Variants in PPP4C observed in about 807,000 individuals in gnomAD.
PPP4C encodes the protein serine/threonine-protein phosphatase 4 catalytic subunit.
In PPP4C, 10 loss-of-function variants were observed where a neutral mutation model predicts 40.5. The ratio of observed to expected loss-of-function variants is 0.25; its 90% CI spans 0.15 to 0.42. PPP4C has a LOEUF of 0.42. Among genes scored for constraint, PPP4C ranks in the 10% least tolerant of loss-of-function variants. The pLI is 1.00. For missense variants in PPP4C, 191 were observed against 416.4 expected, an observed-to-expected ratio of 0.46 and a Z score of 4.71; for synonymous variants, 187 against 163.6, an observed-to-expected ratio of 1.14 and a Z score of -1.09.
intron 3 of PPP4C, 176 bp downstream of exon 3, chr16:30,081,486 T>A: frequency 1.8e-6 from 1 of 540,920 alleles, no homozygotes; most frequent in South Asian, 2.4e-5. Flanking sequence ...GGCTCACACC[T>A]GTGATCCCAG....
At position 30,083,217 on chromosome 16, in the gene PPP4C, C is replaced by T; in HGVS notation, c.304-177C>T. On this transcript the variant is annotated intron_variant, in intron 5 of 8. Coordinates refer to ENST00000279387, the MANE Select transcript of PPP4C (RefSeq NM_002720.3). The surrounding 1 kb of genome is among the most constrained non-coding windows in gnomAD (Gnocchi z 6.3). ...AGGGAATGGGTCAGCTTTACATTCT[C>T]TGGAGGGGTCGTGTGGGCCTGGGAG... 1 of 713,798 alleles carries T rather than the reference C, an allele frequency of 1.4e-6. No homozygotes were observed. Among genetic ancestry groups the T allele is most frequent in the Non-Finnish European group, 2.4e-6 (1 of 419,822 alleles). 44.2% of individuals were successfully genotyped at this position (713,798 alleles called of 1,614,324 possible). A position where few individuals can be genotyped will look rare whatever the true frequency, so the allele number is the denominator to read the frequency against.
Position 30,083,432 on chromosome 16 carries a change from C to T in PPP4C, c.342C>T (p.Asn114=), listed in dbSNP as rs1161331673. 6.2e-7 allele frequency: 1 copy of T among 1,614,044 alleles called. No homozygotes were observed. Among genetic ancestry groups the T allele is most frequent in the Admixed American group, 1.7e-5 (1 of 60,014 alleles). ...ATCGCATCACACTGATCCGGGGCAA[C>T]CATGAGAGTCGCCAGATCACGCAGG... ...YPDRITLIRG[N]HESRQITQVY... is the part of the protein sequence containing the mutation. The change falls in exon 6 of 9, where the codon AAC becomes AAT. Residue 114 remains asparagine, a synonymous_variant. Coordinates refer to ENST00000279387, the MANE Select transcript of PPP4C (RefSeq NM_002720.3). The surrounding 1 kb of genome is among the most constrained non-coding windows in gnomAD (Gnocchi z 6.3).
chr16:30,083,904 G>C lies in PPP4C; in HGVS notation c.604+123G>C. ...CCAAATGGCTGGAACCCTGGAGGAG[G>C]AGCAGGGAGGCCTGCATGGCAGGTG... is the stretch of plus-strand genomic sequence containing the variant. On this transcript the variant is annotated intron_variant, in intron 7 of 8. Transcript: ENST00000279387. This position sits in a 1 kb window ranked among gnomAD's most constrained non-coding sequence, Gnocchi z 6.3. 1 of 1,439,100 alleles carries C rather than the reference G, an allele frequency of 6.9e-7. No homozygotes were observed. The highest frequency in any genetic ancestry group is 2.3e-5 in the East Asian group (1 of 43,026). The allele number at this position is 1,439,100 out of a possible 1,614,324, so 89.1% of individuals were successfully genotyped here. A position where few individuals can be genotyped will look rare whatever the true frequency, so the allele number is the denominator to read the frequency against.
intron 7 of PPP4C, 50 bp from the exon 8 acceptor site, chr16:30,084,616 G>A: frequency 6.4e-7 from 1 of 1,570,810 alleles, no homozygotes; most frequent in Non-Finnish European, 8.7e-7. Context: ...AGCGCTGGCA[G>A]CCAGAGAAGC....
intron 1 of PPP4C, 32 bp from the exon 2 acceptor site, chr16:30,076,283 C>T: frequency 7.7e-7 from 1 of 1,300,168 alleles, no homozygotes; most frequent in Admixed American, 2.0e-5. Flanking sequence ...CGGACGGACA[C>T]TGATCCGCGG....
chr16:30,076,364 G>C lies in PPP4C; in HGVS notation c.-14G>C. 9 of 1,611,914 alleles carry C rather than the reference G, an allele frequency of 5.6e-6. No individual in the cohort carries two copies. The highest frequency in any genetic ancestry group is 7.6e-6 in the Non-Finnish European group (9 of 1,179,288). On this transcript the variant is annotated 5_prime_UTR_variant, in exon 2 of 9. Coordinates refer to ENST00000279387, the MANE Select transcript of PPP4C (RefSeq NM_002720.3). Reference sequence around the variant, plus strand: ...GGCGGCGGCCCCGACTCTGACCCGCGCCGGGGGTGGGCCATGGCGGAGATC... The same window carrying C: ...GGCGGCGGCCCCGACTCTGACCCGCCCCGGGGGTGGGCCATGGCGGAGATC...
chr16:30,076,423 C>A lies in PPP4C; in HGVS notation c.46C>A (p.Arg16Ser). 1 of 1,613,408 alleles carries A rather than the reference C, an allele frequency of 6.2e-7. No individual in the cohort carries two copies. The highest frequency in any genetic ancestry group is 8.5e-7 in the Non-Finnish European group (1 of 1,179,860). The change falls in exon 2 of 9, where the codon CGC becomes AGC. Residue 16 changes from arginine (R) to serine (S), a missense_variant. Coordinates refer to ENST00000279387, the MANE Select transcript of PPP4C (RefSeq NM_002720.3). ...GGACCGGCAGATCGAGCAGCTGCGT[C>A]GCTGCGAGCTCATCAAGGAGAGCGA... ...DLDRQIEQLR[R>S]CELIKESEVK... is the part of the protein sequence containing the mutation.
At chr16:30,079,304 C>G (rs2151025182) in intron 2 of PPP4C, among the ~76,000 whole-genome samples, 1 of 151,982 alleles carries the variant, frequency 6.6e-6, no homozygotes, top group African/African-American at 2.4e-5. Context: ...ATTCTCCTAC[C>G]TCAGCCTCCC....
At chr16:30,079,708 G>A (rs555694103) in intron 2 of PPP4C, among the ~76,000 whole-genome samples, 2 of 152,296 alleles carry the variant, frequency 1.3e-5, no homozygotes, top group East Asian at 3.9e-4. Context: ...GCCATACAGA[G>A]CAAGGGGCAT....
At chr16:30,076,634 C>T (rs878975290) in intron 2 of PPP4C, among the ~76,000 whole-genome samples, 159 bp downstream of exon 2, 1 of 152,198 alleles carries the variant, frequency 6.6e-6, no homozygotes. Context: ...CTAGCCTGCT[C>T]GGGGAAGACA....
chr16:30,084,195 G>A (rs778923210), intron 7 of PPP4C, among the ~76,000 whole-genome samples: 8 of 151,844 alleles, frequency 5.3e-5, no homozygotes, highest in Non-Finnish European at 7.4e-5. Context: ...CTGCTCCAGC[G>A]CAGACACACA....
chr16:30,076,615 G>A (rs528590892), intron 2 of PPP4C, 140 bp downstream of exon 2: 1 of 798,122 alleles, frequency 1.3e-6, no homozygotes, highest in Non-Finnish European at 2.0e-6. Context: ...CGCTGCCCTC[G>A]AGGAAAAGCT....
chr16:30,083,886 G>T lies in PPP4C; in HGVS notation c.604+105G>T. On this transcript the variant is annotated intron_variant, in intron 7 of 8. Coordinates refer to ENST00000279387, the MANE Select transcript of PPP4C (RefSeq NM_002720.3). This position sits in a 1 kb window ranked among gnomAD's most constrained non-coding sequence, Gnocchi z 6.3. ...TCACTCGTCCTCCACCTGCCAAATG[G>T]CTGGAACCCTGGAGGAGGAGCAGGG... 2.6e-6 allele frequency: 4 copies of T among 1,522,516 alleles called. No individual in the cohort carries two copies. In the South Asian group the frequency reaches 4.7e-5, roughly 18 times the overall value. The allele number at this position is 1,522,516 out of a possible 1,614,324, so 94.3% of individuals were successfully genotyped here.
chr16:30,084,982 G>T lies in PPP4C; in HGVS notation c.844G>T (p.Asp282Tyr). The change falls in exon 9 of 9, where the codon GAT (aspartate) becomes TAT (tyrosine). Residue 282 changes from aspartate to tyrosine, a missense_variant. Asp to Tyr is a radical substitution (Grantham distance 160). This residue lies in a region of PPP4C where 20 missense variants were observed against 41.0 expected (regional missense o/e 0.49). Transcript: ENST00000279387. ...GGAGCTGGACGAGCATCTCCAGAAA[G>T]ATTTCATCATCTTTGAGGCTGCTCC... is the stretch of plus-strand genomic sequence containing the variant. ...ILELDEHLQK[D>Y]FIIFEAAPQE... is the part of the protein sequence containing the mutation. The T allele has an allele frequency of 1.2e-6, 2 of 1,614,228 alleles. No individual in the cohort carries two copies. Among genetic ancestry groups the T allele is most frequent in the Non-Finnish European group, 1.7e-6 (2 of 1,180,024 alleles).
intron 2 of PPP4C, among the ~76,000 whole-genome samples, chr16:30,079,567 TG>T (rs2072465905): frequency 6.6e-6 from 1 of 152,104 alleles, no homozygotes; most frequent in Non-Finnish European, 1.5e-5. Flanking sequence ...GAGCAGTTGA[TG>T]GGGAAGGATG....
chr16:30,076,088 A>G lies in PPP4C; in HGVS notation c.-70A>G. The G allele has an allele frequency of 2.3e-6, 1 of 440,182 alleles. No individual in the cohort carries two copies. The highest frequency in any genetic ancestry group is 3.3e-5 in the South Asian group (1 of 29,872). 27.3% of individuals were successfully genotyped at this position (440,182 alleles called of 1,614,324 possible). On this transcript the variant is annotated 5_prime_UTR_variant, in exon 1 of 9. Coordinates refer to ENST00000279387, the MANE Select transcript of PPP4C (RefSeq NM_002720.3). ...GCCGGAGAGCCGGAACCGGAGTCGC[A>G]GCGGCGGTAATAGTGCGAGACTCCT...
At chr16:30,078,705 C>T (rs970795914) in intron 2 of PPP4C, among the ~76,000 whole-genome samples, 14 of 152,210 alleles carry the variant, frequency 9.2e-5, no homozygotes, top group African/African-American at 2.9e-4. Context: ...GCTGAAATTG[C>T]TGCTACTAGA....
chr16:30,076,498 A>G, intron 2 of PPP4C, 23 bp downstream of exon 2: 1 of 1,590,250 alleles, frequency 6.3e-7, no homozygotes, highest in Non-Finnish European at 8.6e-7. Flanking sequence ...GCCCTGGGGA[A>G]GGGAGGCCAA....
At chr16:30,078,617 G>A (rs184376422) in intron 2 of PPP4C, among the ~76,000 whole-genome samples, 97 of 152,342 alleles carry the variant, frequency 6.4e-4, no homozygotes, top group African/African-American at 2.3e-3. Context: ...GGCTGGTGGT[G>A]TCAAGAGCAC....
Sources: allele counts gnomAD v4.1 joint callset (sites outside exome capture counted in the v4.1 genomes callset), GRCh38; gene constraint gnomAD v4.1.1; regional missense constraint gnomAD v4.1.1; non-coding constraint Gnocchi (gnomAD v3.1); transcripts MANE v1.5; gene names NCBI Gene and HGNC (gene_info 2026-07-23, HGNC 2026-07-21).